Variants in BLTP3B observed in about 807,000 individuals in gnomAD.
The protein encoded by BLTP3B is bridge-like lipid transfer protein family member 3B, also known as UHRF1 (ICBP90) binding protein 1-like.
chr12:100,140,126 CTGAG>C, the BLTP3B span, among the ~76,000 whole-genome samples: 7 of 152,264 alleles, frequency 4.6e-5, no homozygotes, highest in South Asian at 4.1e-4. Context: ...TCATTCCTTC[CTGAG>C]TAACTATAAT....
At chr12:100,080,134 C>T in the BLTP3B span, among the ~76,000 whole-genome samples, 11 of 152,218 alleles carry the variant, frequency 7.2e-5, no homozygotes, top group Non-Finnish European at 1.2e-4. Context: ...AAAGCCCCCA[C>T]ACAAAGTCCC....
At chr12:100,073,079 C>G in the BLTP3B span, among the ~76,000 whole-genome samples, 1 of 152,002 alleles carries the variant, frequency 6.6e-6, no homozygotes, top group Non-Finnish European at 1.5e-5. Context: ...TTATTGTGAG[C>G]CTTAAAAACA....
At chr12:100,041,390 C>G in the BLTP3B span, among the ~76,000 whole-genome samples, 1 of 150,958 alleles carries the variant, frequency 6.6e-6, no homozygotes, top group African/African-American at 2.4e-5. Context: ...TTCCTGTTGG[C>G]CAGAATCAGA....
the BLTP3B span, chr12:100,058,111 C>A: frequency 6.2e-7 from 1 of 1,612,936 alleles, no homozygotes; most frequent in East Asian, 2.2e-5. Flanking sequence ...AGTGAAGCTG[C>A]TTCTGGAAGC....
chr12:100,088,169 G>T, the BLTP3B span, among the ~76,000 whole-genome samples: 12 of 152,118 alleles, frequency 7.9e-5, no homozygotes, highest in Non-Finnish European at 1.0e-4. Flanking sequence ...ATTCAGATCT[G>T]AGGCACAGAG....
chr12:100,081,112 G>A, the BLTP3B span, among the ~76,000 whole-genome samples: 4 of 152,146 alleles, frequency 2.6e-5, no homozygotes, highest in Non-Finnish European at 4.4e-5. Flanking sequence ...CGCCATGATT[G>A]TGAGGCTTCC....
the BLTP3B span, among the ~76,000 whole-genome samples, chr12:100,137,003 G>C: frequency 1.3e-5 from 2 of 151,880 alleles, no homozygotes; most frequent in Non-Finnish European, 2.9e-5. Context: ...TAGAGACAGG[G>C]TTTCACCGTG....
At chr12:100,037,819 T>C in the BLTP3B span, 63 of 1,412,168 alleles carry the variant, frequency 4.5e-5, no homozygotes, top group South Asian at 4.1e-4. Context: ...AGACTATTTA[T>C]ATAGTATCCA....
the BLTP3B span, chr12:100,082,920 G>C: frequency 2.3e-6 from 2 of 879,740 alleles, no homozygotes; most frequent in South Asian, 1.7e-5. Flanking sequence ...ACCTTGTAAA[G>C]ATTTTTTAAA....
chr12:100,053,943 C>A, the BLTP3B span, among the ~76,000 whole-genome samples: 351 of 152,084 alleles, frequency 2.3e-3, 1 homozygote, highest in African/African-American at 8.1e-3. Context: ...AAATTAATGA[C>A]CCTGACATAA....
the BLTP3B span, chr12:100,047,577 T>C: frequency 1.2e-6 from 2 of 1,613,580 alleles, no homozygotes; most frequent in Non-Finnish European, 1.7e-6. Flanking sequence ...CACAAGATGA[T>C]CAATATGTAC....
At chr12:100,095,893 C>T in the BLTP3B span, 20 of 1,387,418 alleles carry the variant, frequency 1.4e-5, no homozygotes, top group African/African-American at 4.5e-5. Flanking sequence ...CCTTATAATA[C>T]GCTTGTATTA....
chr12:100,055,949 GAAT>G, the BLTP3B span, among the ~76,000 whole-genome samples: 1 of 152,152 alleles, frequency 6.6e-6, no homozygotes, highest in Non-Finnish European at 1.5e-5. Context: ...ACTATTGACA[GAAT>G]TGTGAGGTTT....
At chr12:100,119,687 AAAT>A in the BLTP3B span, among the ~76,000 whole-genome samples, 1,802 of 152,294 alleles carry the variant, frequency 0.012, 31 homozygotes, top group African/African-American at 0.041. Context: ...AAGTCAATGA[AAAT>A]AATATTTTTA....
At chr12:100,124,967 TATATATA>T in the BLTP3B span, among the ~76,000 whole-genome samples, 1 of 115,808 alleles carries the variant, frequency 8.6e-6, no homozygotes, top group African/African-American at 3.3e-5. Context: ...TATATATATA[TATATATA>T]TATATTTATA....
At chr12:100,140,957 TTTC>T in the BLTP3B span, among the ~76,000 whole-genome samples, 3 of 151,756 alleles carry the variant, frequency 2.0e-5, no homozygotes, top group African/African-American at 7.3e-5. Flanking sequence ...TGAATTAACT[TTTC>T]TTCCAAGCAT....
the BLTP3B span, among the ~76,000 whole-genome samples, chr12:100,078,966 C>T: frequency 6.6e-6 from 1 of 152,184 alleles, no homozygotes; most frequent in Non-Finnish European, 1.5e-5. Context: ...TTTCCCTGCA[C>T]AAGCTCTCTC....
At chr12:100,086,476 T>A in the BLTP3B span, 5 of 618,086 alleles carry the variant, frequency 8.1e-6, no homozygotes, top group African/African-American at 9.3e-5. Flanking sequence ...CTCTCTTTTA[T>A]GACGGCACAT....
chr12:100,116,253 G>A, the BLTP3B span, among the ~76,000 whole-genome samples: 2 of 151,612 alleles, frequency 1.3e-5, no homozygotes, highest in African/African-American at 4.8e-5. Flanking sequence ...GACGTGGGAG[G>A]ATGGCTTGAG....
Sources: allele counts gnomAD v4.1 joint callset (sites outside exome capture counted in the v4.1 genomes callset), GRCh38; gene constraint gnomAD v4.1.1; transcripts MANE v1.5; gene names NCBI Gene and HGNC (gene_info 2026-07-23, HGNC 2026-07-21).